HS2ST1: variants seen among roughly 807,000 people sequenced by gnomAD.
The protein encoded by HS2ST1 is 2-O-sulfotransferase.
Under a neutral mutation model 42.9 loss-of-function variants are expected in HS2ST1, and 18 were observed. That is an observed-to-expected ratio of 0.42 (90% CI 0.29 to 0.62). HS2ST1 has a LOEUF of 0.62. Ranked by LOEUF, HS2ST1 falls within the 20% of genes least tolerant of loss-of-function variation. HS2ST1 has a pLI of 0.21. For synonymous variants in HS2ST1, 146 were observed against 152.9 expected, an observed-to-expected ratio of 0.95 and a Z score of 0.33; for missense variants, 334 against 433.8, an observed-to-expected ratio of 0.77 and a Z score of 2.04.
chr1:87,027,517 A>G (rs1204342774), intron 1 of HS2ST1, among the ~76,000 whole-genome samples: 1 of 152,210 alleles, frequency 6.6e-6, no homozygotes, highest in Non-Finnish European at 1.5e-5. Flanking sequence ...GAAAAAGCAT[A>G]TTTAACATTA....
chr1:87,084,784 C>T (rs577321034), intron 3 of HS2ST1, among the ~76,000 whole-genome samples: 2 of 147,896 alleles, frequency 1.4e-5, no homozygotes, highest in South Asian at 4.2e-4. Context: ...CACCCCCCCT[C>T]TCCTTCTCCC....
At chr1:87,092,423 C>CT in intron 3 of HS2ST1, 108 bp from the exon 4 acceptor site, 2 of 570,440 alleles carry the variant, frequency 3.5e-6, no homozygotes, top group Non-Finnish European at 5.4e-6. Flanking sequence ...AATTCATGTT[C>CT]TTTTTTCCTT....
chr1:86,949,925 T>A (rs200143676), intron 1 of HS2ST1, among the ~76,000 whole-genome samples: 2 of 152,208 alleles, frequency 1.3e-5, no homozygotes, highest in East Asian at 3.9e-4. Context: ...CCCCATGGCC[T>A]TCAGAACACA....
chr1:87,007,993 G>T (rs896789554), intron 1 of HS2ST1, among the ~76,000 whole-genome samples: 10 of 152,026 alleles, frequency 6.6e-5, no homozygotes, highest in African/African-American at 2.4e-4. Flanking sequence ...TGTAATTTTT[G>T]TGGGTATATA....
chr1:87,088,464 G>T (rs1651863850), intron 3 of HS2ST1, among the ~76,000 whole-genome samples: 2 of 152,048 alleles, frequency 1.3e-5, no homozygotes, highest in Admixed American at 1.3e-4. Context: ...CCATTCACCA[G>T]TTTCTGGATA....
At chr1:86,991,695 A>G (rs1648956457) in intron 1 of HS2ST1, among the ~76,000 whole-genome samples, 1 of 152,186 alleles carries the variant, frequency 6.6e-6, no homozygotes, top group South Asian at 2.1e-4. Flanking sequence ...TAAGAAGCTT[A>G]AACTTTCCAA....
intron 1 of HS2ST1, among the ~76,000 whole-genome samples, chr1:87,021,572 T>C (rs1649953554): frequency 6.6e-6 from 1 of 152,228 alleles, no homozygotes; most frequent in South Asian, 2.1e-4. Flanking sequence ...TGGAGTACAA[T>C]GGCACAATCA....
chr1:87,076,170 A>C (rs1651538581), intron 2 of HS2ST1, among the ~76,000 whole-genome samples: 1 of 152,182 alleles, frequency 6.6e-6, no homozygotes, highest in Non-Finnish European at 1.5e-5. Context: ...AGAACAACTG[A>C]CTTCTAAAGT....
intron 1 of HS2ST1, among the ~76,000 whole-genome samples, chr1:87,011,039 G>A (rs977473189): frequency 1.3e-4 from 20 of 152,114 alleles, no homozygotes; most frequent in African/African-American, 4.3e-4. Flanking sequence ...GCCTACCTCA[G>A]CCTCCCAAAG....
chr1:86,992,873 T>G (rs112145878), intron 1 of HS2ST1: 5 of 521,966 alleles, frequency 9.6e-6, no homozygotes, highest in African/African-American at 7.6e-5. Flanking sequence ...ATTCTAGTTT[T>G]GATGAAGGGG....
chr1:87,048,998 A>AT (rs1173778513), intron 1 of HS2ST1, among the ~76,000 whole-genome samples: 4 of 151,342 alleles, frequency 2.6e-5, no homozygotes, highest in Non-Finnish European at 4.4e-5. Flanking sequence ...TGGTATTGGT[A>AT]TTTTTTTTGT....
intron 1 of HS2ST1, among the ~76,000 whole-genome samples, chr1:87,022,252 G>A (rs1481616966): frequency 1.3e-5 from 2 of 152,110 alleles, no homozygotes; most frequent in Non-Finnish European, 2.9e-5. Context: ...TAATAAGGTA[G>A]CTTTCTTACC....
chr1:87,089,003 T>TA (rs780975300), intron 3 of HS2ST1, among the ~76,000 whole-genome samples: 1 of 151,994 alleles, frequency 6.6e-6, no homozygotes, highest in Admixed American at 6.6e-5. Flanking sequence ...TTAAATTTAG[T>TA]ATGAAGCAGA....
At chr1:87,063,396 G>A (rs1651165093) in intron 1 of HS2ST1, among the ~76,000 whole-genome samples, 1 of 152,050 alleles carries the variant, frequency 6.6e-6, no homozygotes. Flanking sequence ...GAGTGCAATG[G>A]CGTGACTTCC....
intron 1 of HS2ST1, among the ~76,000 whole-genome samples, chr1:87,049,672 A>G (rs1331845348): frequency 1.3e-5 from 2 of 152,048 alleles, no homozygotes; most frequent in Non-Finnish European, 2.9e-5. Context: ...ACCTTGTTTT[A>G]TGACTGAGAA....
Position 87,091,695 on chromosome 1 carries a change from CTT to C in HS2ST1, c.450-834_450-833del, listed in dbSNP as rs1483906046. Among the ~76,000 whole-genome samples the C allele has an allele frequency of 1.4e-4, 22 of 151,952 alleles. No individual in the cohort carries two copies. The East Asian group carries it at 4.1e-3, about 28-fold the overall frequency. On this transcript the variant is annotated intron_variant, in intron 3 of 6. Coordinates refer to ENST00000370550, the MANE Select transcript of HS2ST1 (RefSeq NM_012262.4). ...AAGCTTACAAAACAAATCAAAATGA[CTT>C]TGAAATTTTATTAAATGAAGAATAA...
chr1:87,096,174 A>G (rs1652063153), intron 4 of HS2ST1, among the ~76,000 whole-genome samples: 1 of 152,192 alleles, frequency 6.6e-6, no homozygotes, highest in African/African-American at 2.4e-5. Context: ...CTATTCTTTA[A>G]TAAACACTAA....
intron 1 of HS2ST1, among the ~76,000 whole-genome samples, chr1:86,997,331 A>G (rs867675275): frequency 6.6e-6 from 1 of 152,182 alleles, no homozygotes; most frequent in Non-Finnish European, 1.5e-5. Context: ...AACCCATCTG[A>G]TAACAGTGAC....
At chr1:87,017,751 G>A (rs1649802753) in intron 1 of HS2ST1, among the ~76,000 whole-genome samples, 1 of 151,028 alleles carries the variant, frequency 6.6e-6, no homozygotes, top group Admixed American at 6.6e-5. Flanking sequence ...TTTGATTTTT[G>A]ATATATGTGT....
Sources: allele counts gnomAD v4.1 joint callset (sites outside exome capture counted in the v4.1 genomes callset), GRCh38; gene constraint gnomAD v4.1.1; transcripts MANE v1.5; gene names NCBI Gene and HGNC (gene_info 2026-07-23, HGNC 2026-07-21).